NRDC: variants seen among roughly 807,000 people sequenced by gnomAD.
The protein encoded by NRDC is nardilysin convertase, also known as nardilysin.
A neutral mutation model predicts 147.1 loss-of-function variants in NRDC; 54 were observed. The ratio of observed to expected loss-of-function variants is 0.37; its 90% confidence interval spans 0.29 to 0.46. The LOEUF is 0.46. NRDC is among the 20% of genes least tolerant of loss of function. The pLI, the probability that NRDC is intolerant of heterozygous loss-of-function variation, is 1.00. For missense variants in NRDC, 1,082 were observed against 1,370.6 expected (o/e 0.79, Z 3.33); for synonymous variants, 440 against 482.1 (o/e 0.91, Z 1.14).
intron 6 of NRDC, among the ~76,000 whole-genome samples, chr1:51,824,825 C>T (rs1370842393): frequency 6.6e-6 from 1 of 152,138 alleles, no homozygotes; most frequent in African/African-American, 2.4e-5. Context: ...GATAACTTGA[C>T]TGAAATTTAA....
intron 1 of NRDC, among the ~76,000 whole-genome samples, chr1:51,845,121 A>C (rs1444035203): frequency 1.3e-5 from 2 of 152,126 alleles, no homozygotes; most frequent in Non-Finnish European, 2.9e-5. Context: ...CTTCTTTCCC[A>C]CTACTCTTCC....
intron 9 of NRDC, 115 bp downstream of exon 9, chr1:51,819,685 C>T: frequency 3.8e-6 from 3 of 792,608 alleles, no homozygotes; most frequent in Non-Finnish European, 6.1e-6. Flanking sequence ...TCCTTTCCAA[C>T]CCAGCTGTAT....
At position 51,789,588 on chromosome 1, in the gene NRDC, T is replaced by A. The variant is rs190478032; in HGVS notation, c.3238A>T (p.Ser1080Cys). 2 of 1,613,864 alleles carry A rather than the reference T, an allele frequency of 1.2e-6. No individual in the cohort carries two copies. The highest frequency in any genetic ancestry group is 4.5e-5 in the East Asian group (2 of 44,886). ...CTCACATGAACGCTGAGCATTTTAC[T>A]TCCTGGCCCTCTATGGGCCTTGAAC... ...NWFKAHRGPG[S>C]KMLSVHVVGY... The change falls in exon 30 of 31, where the codon AGT (serine) becomes TGT (cysteine). Residue 1080 changes from serine to cysteine, a missense_variant. This residue lies in a region of NRDC where 187 missense variants were observed against 193.6 expected (regional missense o/e 0.97). Coordinates refer to ENST00000352171, the MANE Select transcript of NRDC (RefSeq NM_001101662.2).
intron 20 of NRDC, among the ~76,000 whole-genome samples, chr1:51,803,439 C>G (rs1427700431): frequency 3.4e-5 from 5 of 146,870 alleles, no homozygotes; most frequent in Non-Finnish European, 7.4e-5. Context: ...CACACCACTG[C>G]ATTCCAGTCT....
intron 8 of NRDC, among the ~76,000 whole-genome samples, chr1:51,820,454 G>T (rs1167716135): frequency 6.6e-6 from 1 of 152,040 alleles, no homozygotes; most frequent in Non-Finnish European, 1.5e-5. Context: ...TAATATATGA[G>T]ATTTTTTTTA....
At chr1:51,863,683 T>C (rs115862065) in intron 1 of NRDC, among the ~76,000 whole-genome samples, 180 of 152,324 alleles carry the variant, frequency 1.2e-3, no homozygotes, top group African/African-American at 4.2e-3. Flanking sequence ...AACTGTGCAA[T>C]TGAGGAGATC....
chr1:51,847,554 C>T (rs992641162), intron 1 of NRDC, among the ~76,000 whole-genome samples: 4 of 152,216 alleles, frequency 2.6e-5, no homozygotes, highest in African/African-American at 7.2e-5. Context: ...GGCGAGAAAT[C>T]GAGCGCAGCG....
At position 51,848,044 on chromosome 1, in the gene NRDC, T is replaced by C. The variant is rs865912786; in HGVS notation, c.342-7530A>G. Among the ~76,000 whole-genome samples the C allele has an allele frequency of 3.3e-5, 5 of 152,264 alleles. No individual in the cohort carries two copies. The East Asian group carries it at 9.6e-4, about 29-fold the overall frequency. On this transcript the variant is annotated intron_variant, in intron 1 of 30. Transcript: ENST00000352171. ...CCTACACATAAAGCCCTTAGCTTTA[T>C]GGAGGATCACGTCTATAAATCAACA...
chr1:51,858,688 T>C (rs1171417537), intron 1 of NRDC, among the ~76,000 whole-genome samples: 1 of 152,208 alleles, frequency 6.6e-6, no homozygotes, highest in Non-Finnish European at 1.5e-5. Flanking sequence ...AGTACTGTTT[T>C]CTTTGCCCTA....
chr1:51,791,659 TAC>T lies in NRDC; in HGVS notation c.2877_2878del (p.Tyr960ProfsTer7). On this transcript the variant is annotated frameshift_variant and splice_region_variant, in exon 27 of 31. Transcript: ENST00000352171. LOFTEE classifies it high-confidence loss of function. The stretch of plus-strand genomic sequence containing the variant: ...GTTCCTACAGGTAGGGTAGACATGG[TAC>T]CTACAAGCCAGAGAGAAAAGTTATA... The T allele has an allele frequency of 6.2e-7, 1 of 1,612,764 alleles. No homozygotes were observed. Among genetic ancestry groups the T allele is most frequent in the Non-Finnish European group, 8.5e-7 (1 of 1,178,804 alleles).
chr1:51,848,210 C>T (rs534914830), intron 1 of NRDC, among the ~76,000 whole-genome samples: 1 of 152,096 alleles, frequency 6.6e-6, no homozygotes, highest in East Asian at 1.9e-4. Context: ...GCGCGGTGGC[C>T]CACGCCTGTA....
rs1680400570 is a variant in NRDC, at chr1:51,825,399, A to C, written c.941-17T>G. 1 of 1,558,326 alleles carries C rather than the reference A, an allele frequency of 6.4e-7. No individual in the cohort carries two copies. Among genetic ancestry groups the C allele is most frequent in the Non-Finnish European group, 8.7e-7 (1 of 1,149,018 alleles). ...GTTGATATTCTGTCAATTTTAAATA[A>C]ACACATAATAAAACAAAATTCAGTA... On this transcript the variant is annotated splice_polypyrimidine_tract_variant and intron_variant, in intron 5 of 30. Transcript: ENST00000352171.
intron 22 of NRDC, among the ~76,000 whole-genome samples, chr1:51,796,749 G>C (rs939445726): frequency 4.0e-5 from 6 of 150,820 alleles, no homozygotes; most frequent in African/African-American, 7.3e-5. Flanking sequence ...CACCAAGCCC[G>C]GCTAATTTTT....
intron 1 of NRDC, among the ~76,000 whole-genome samples, chr1:51,874,102 G>A (rs1356396459): frequency 4.7e-5 from 7 of 149,742 alleles, no homozygotes; most frequent in African/African-American, 1.5e-4. Context: ...ACTCCAGCCT[G>A]GGCGATGAAT....
intron 1 of NRDC, among the ~76,000 whole-genome samples, chr1:51,848,319 CAAA>C (rs551016956): frequency 6.7e-4 from 102 of 152,042 alleles, no homozygotes; most frequent in African/African-American, 2.3e-3. Context: ...ACTAAAAATA[CAAA>C]AAAAGAAAAT....
intron 22 of NRDC, chr1:51,795,253 T>G: frequency 8.1e-7 from 1 of 1,238,804 alleles, no homozygotes. Flanking sequence ...AGTGAATACA[T>G]CCTCTTCCCT....
At chr1:51,803,787 TA>T in intron 20 of NRDC, 26 bp downstream of exon 20, 1 of 1,591,124 alleles carries the variant, frequency 6.3e-7, no homozygotes, top group East Asian at 2.2e-5. Flanking sequence ...ATGCTCTCTA[TA>T]AGGAAAACAG....
chr1:51,843,851 C>T (rs3001781), intron 1 of NRDC, among the ~76,000 whole-genome samples: 140,002 of 151,204 alleles, frequency 0.93, 64,860 homozygotes, highest in East Asian at 1. Context: ...GTATCAGATA[C>T]CAACTCAGGT....
intron 24 of NRDC, chr1:51,794,201 C>T (rs1397005595): frequency 2.9e-6 from 1 of 347,334 alleles, no homozygotes; most frequent in Non-Finnish European, 5.3e-6. Context: ...CTTGGGAGTT[C>T]TATCAGGGGC....
Sources: allele counts gnomAD v4.1 joint callset (sites outside exome capture counted in the v4.1 genomes callset), GRCh38; gene constraint gnomAD v4.1.1; regional missense constraint gnomAD v4.1.1; transcripts MANE v1.5; gene names NCBI Gene and HGNC (gene_info 2026-07-23, HGNC 2026-07-21).